The following MLLT11 variants were observed in gnomAD, a reference collection of about 807,000 sequenced individuals.
MLLT11 encodes MLLT11 transcription factor 7 cofactor.
MLLT11 carries 1 observed loss-of-function variant against 5.3 expected under a neutral mutation model. The observed-to-expected ratio is 0.19, with a 90% CI of 0.07 to 0.89. The LOEUF (loss-of-function observed/expected upper bound fraction) is 0.89. MLLT11 is among the 40% of genes least tolerant of loss of function. The pLI, the probability that MLLT11 is intolerant of heterozygous loss-of-function variation, is 0.67. For synonymous variants in MLLT11, 38 were observed against 41.7 expected, an observed-to-expected ratio of 0.91 and a Z score of 0.34; for missense variants, 87 against 107.3, an observed-to-expected ratio of 0.81 and a Z score of 0.83.
At chr1:151,061,609 A>T (rs1226319990) in intron 1 of MLLT11, among the ~76,000 whole-genome samples, 17 of 152,316 alleles carry the variant, frequency 1.1e-4, no homozygotes. Flanking sequence ...AAGATAATGA[A>T]AGATGTAAAG....
chr1:151,069,465 CCCTTCAGAGT>C lies in MLLT11; in HGVS notation c.*1976_*1985del, dbSNP rs1676538541. Among the ~76,000 whole-genome samples, 2 of 152,120 alleles carry C rather than the reference CCCTTCAGAGT, an allele frequency of 1.3e-5. No individual in the cohort carries two copies. Among genetic ancestry groups the C allele is most frequent in the African/African-American group, 2.4e-5 (1 of 41,402 alleles). On this transcript the variant is annotated 3_prime_UTR_variant, in exon 2 of 2. Coordinates refer to ENST00000368921, the MANE Select transcript of MLLT11 (RefSeq NM_006818.4). ...CTATTTTTACTGAGTTTTGAAGGGC[CCCTTCAGAGT>C]CCTTCAGCCATGGCAATTGGTGGGT...
rs1571858956 is a variant in MLLT11, at chr1:151,068,706, T to C, written c.*1209T>C. ...GTCAAGGGATCCTCCCACCTCAGGC[T>C]CCCAGGTAGCTGGGATTACAGGCGC... On this transcript the variant is annotated 3_prime_UTR_variant, in exon 2 of 2. Transcript: ENST00000368921. Among the ~76,000 whole-genome samples, 1 of 152,246 alleles carries C rather than the reference T, an allele frequency of 6.6e-6. No homozygotes were observed. The highest frequency in any genetic ancestry group is 1.9e-4 in the East Asian group (1 of 5,184).
Position 151,067,759 on chromosome 1 carries a change from A to C in MLLT11, c.*262A>C. 2.0e-6 allele frequency: 1 copy of C among 508,074 alleles called. No individual in the cohort carries two copies. The highest frequency in any genetic ancestry group is 3.6e-6 in the Non-Finnish European group (1 of 275,552). The allele number at this position is 508,074 out of a possible 1,614,324, so 31.5% of individuals were successfully genotyped here. A position where few individuals can be genotyped will look rare whatever the true frequency, so the allele number is the denominator to read the frequency against. ...TTCCTCCTTTCCCCCCCAAATATTA[A>C]CTCCAGAAACTAGGCCTGACTGGGG... On this transcript the variant is annotated 3_prime_UTR_variant, in exon 2 of 2. Transcript: ENST00000368921.
In MLLT11 at chr1:151,069,539, A is replaced by G. The variant is rs935428137; in HGVS notation, c.*2042A>G. On this transcript the variant is annotated 3_prime_UTR_variant, in exon 2 of 2. Coordinates refer to ENST00000368921, the MANE Select transcript of MLLT11 (RefSeq NM_006818.4). Reference sequence around the variant, plus strand: ...AACTGTTTGGTAAATAAAGTGACTAAATGGATTTGCAAACTCATGCTCCAT... The same window carrying G: ...AACTGTTTGGTAAATAAAGTGACTAGATGGATTTGCAAACTCATGCTCCAT... Among the ~76,000 whole-genome samples the G allele has an allele frequency of 6.6e-6, 1 of 152,212 alleles. No individual in the cohort carries two copies. The highest frequency in any genetic ancestry group is 2.4e-5 in the African/African-American group (1 of 41,468).
At chr1:151,066,085 C>T (rs1215151820) in intron 1 of MLLT11, among the ~76,000 whole-genome samples, 1 of 152,160 alleles carries the variant, frequency 6.6e-6, no homozygotes, top group Non-Finnish European at 1.5e-5. Context: ...AGTCATCCGC[C>T]TGCCTTAGCC....
At chr1:151,067,173 A>G (rs1489762787) in intron 1 of MLLT11, 46 bp from the exon 2 acceptor site, 2 of 1,568,126 alleles carry the variant, frequency 1.3e-6, no homozygotes, top group African/African-American at 2.7e-5. Flanking sequence ...CATGGGCCAC[A>G]AAGAAGTTGC....
intron 1 of MLLT11, among the ~76,000 whole-genome samples, chr1:151,066,512 G>C (rs1369193789): frequency 6.6e-6 from 1 of 152,170 alleles, no homozygotes; most frequent in Non-Finnish European, 1.5e-5. Context: ...CTGTAACAGA[G>C]GATATACCAC....
chr1:151,066,537 G>T (rs1402866194), intron 1 of MLLT11, among the ~76,000 whole-genome samples: 1 of 152,174 alleles, frequency 6.6e-6, no homozygotes, highest in East Asian at 1.9e-4. Context: ...GGGAAGAATG[G>T]GCTAGATTTT....
chr1:151,061,380 G>C (rs971683795), intron 1 of MLLT11, among the ~76,000 whole-genome samples: 1 of 152,150 alleles, frequency 6.6e-6, no homozygotes, highest in Non-Finnish European at 1.5e-5. Context: ...AAAGGGTCTG[G>C]ACAAAGGATA....
rs891159051 is a variant in MLLT11 at position 151,068,038 on chromosome 1, A to T, written c.*541A>T. 2 of 241,906 alleles carry T rather than the reference A, an allele frequency of 8.3e-6. No homozygotes were observed. Among genetic ancestry groups the T allele is most frequent in the African/African-American group, 4.4e-5 (2 of 45,008 alleles). The allele number at this position is 241,906 out of a possible 1,614,324, so 15.0% of individuals were successfully genotyped here. A position where few individuals can be genotyped will look rare whatever the true frequency, so the allele number is the denominator to read the frequency against. ...TGCTCTTATATTCTTTTTTTTCCTC[A>T]GAGAAATCAGGAGGGTAGTTAGAGG... On this transcript the variant is annotated 3_prime_UTR_variant, in exon 2 of 2. Coordinates refer to ENST00000368921, the MANE Select transcript of MLLT11 (RefSeq NM_006818.4).
intron 1 of MLLT11, 150 bp from the exon 2 acceptor site, chr1:151,067,069 T>A: frequency 1.6e-6 from 1 of 607,614 alleles, no homozygotes; most frequent in Non-Finnish European, 2.7e-6. Flanking sequence ...ACTGGTGGGA[T>A]TGGAGGATAT....
In MLLT11 at chr1:151,068,756, T is replaced by C. The variant is rs1676511688; in HGVS notation, c.*1259T>C. ...CCTGCCACCAGGCCTGGTTAATTTT[T>C]GTATTTTTCATAGAGACGGGGTTTC... On this transcript the variant is annotated 3_prime_UTR_variant, in exon 2 of 2. Transcript: ENST00000368921. Among the ~76,000 whole-genome samples, 1 of 152,160 alleles carries C rather than the reference T, an allele frequency of 6.6e-6. No homozygotes were observed. Among genetic ancestry groups the C allele is most frequent in the Non-Finnish European group, 1.5e-5 (1 of 68,024 alleles).
Position 151,068,004 on chromosome 1 carries a change from T to C in MLLT11, c.*507T>C. 4.1e-6 allele frequency: 1 copy of C among 244,896 alleles called. No homozygotes were observed. Among genetic ancestry groups the C allele is most frequent in the African/African-American group, 2.2e-5 (1 of 45,300 alleles). The allele number at this position is 244,896 out of a possible 1,614,324, so 15.2% of individuals were successfully genotyped here. ...CTAAAGTGATAAGTCTCTTGCTTTTTTTTGATCCTGCTCTTATATTCTTTT... is the reference window on the plus strand; with the variant it reads ...CTAAAGTGATAAGTCTCTTGCTTTTCTTTGATCCTGCTCTTATATTCTTTT... On this transcript the variant is annotated 3_prime_UTR_variant, in exon 2 of 2. Coordinates refer to ENST00000368921, the MANE Select transcript of MLLT11 (RefSeq NM_006818.4).
In MLLT11 at chr1:151,068,964, C is replaced by T. The variant is rs985569737; in HGVS notation, c.*1467C>T. On this transcript the variant is annotated 3_prime_UTR_variant, in exon 2 of 2. Coordinates refer to ENST00000368921, the MANE Select transcript of MLLT11 (RefSeq NM_006818.4). Reference sequence around the variant, plus strand: ...CATTTAGACATTAGATGGTGAACTTCGCATTGAACAGATAATGAAAGGGCA... The same window carrying T: ...CATTTAGACATTAGATGGTGAACTTTGCATTGAACAGATAATGAAAGGGCA... Among the ~76,000 whole-genome samples, 2 of 152,060 alleles carry T rather than the reference C, an allele frequency of 1.3e-5. No homozygotes were observed. Among genetic ancestry groups the T allele is most frequent in the African/African-American group, 2.4e-5 (1 of 41,392 alleles).
chr1:151,069,343 GAC>G lies in MLLT11; in HGVS notation c.*1848_*1849del, dbSNP rs1412335071. On this transcript the variant is annotated 3_prime_UTR_variant, in exon 2 of 2. Coordinates refer to ENST00000368921, the MANE Select transcript of MLLT11 (RefSeq NM_006818.4). The stretch of plus-strand genomic sequence containing the variant: ...GAAGTCCCCAGGTGGGAGAAAAAAA[GAC>G]AAATCCTCCCTCTAGGCCATGAAAA... 6.6e-6 allele frequency among the ~76,000 whole-genome samples: 1 copy of G among 152,096 alleles called. No homozygotes were observed. The highest frequency in any genetic ancestry group is 2.4e-5 in the African/African-American group (1 of 41,412).
chr1:151,063,442 T>G (rs751001644), intron 1 of MLLT11, among the ~76,000 whole-genome samples: 1 of 152,162 alleles, frequency 6.6e-6, no homozygotes, highest in East Asian at 1.9e-4. Flanking sequence ...ATTATTATTA[T>G]TGAGACGGAG....
Position 151,067,336 on chromosome 1 carries a change from T to C in MLLT11, c.112T>C (p.Tyr38His). The change falls in exon 2 of 2, where the codon TAC becomes CAC. Residue 38 changes from tyrosine to histidine, a missense_variant. Physicochemically the swap from Tyr to His is moderately conservative, Grantham distance 83 (BLOSUM62 2). Transcript: ENST00000368921. ...EGLGLSDTAT[Y>H]KVKDSSVGKM... Reference sequence around the variant, plus strand: ...CCTGGGTCTGTCAGATACAGCCACCTACAAGGTCAAAGACAGCAGCGTTGG... The same window carrying C: ...CCTGGGTCTGTCAGATACAGCCACCCACAAGGTCAAAGACAGCAGCGTTGG... 3 of 1,614,086 alleles carry C rather than the reference T, an allele frequency of 1.9e-6. No individual in the cohort carries two copies. Among genetic ancestry groups the C allele is most frequent in the African/African-American group, 1.3e-5 (1 of 74,996 alleles).
Position 151,067,436 on chromosome 1 carries a change from C to G in MLLT11, c.212C>G (p.Thr71Ser). ...GGTGATGGCCTCCTTGAGTACAGCACCTTCAACTTCTGGAGAGCTCCCATT... is the reference window on the plus strand; with the variant it reads ...GGTGATGGCCTCCTTGAGTACAGCAGCTTCAACTTCTGGAGAGCTCCCATT... ...PEGDGLLEYS[T>S]FNFWRAPIAS... The change falls in exon 2 of 2, where the codon ACC (threonine) becomes AGC (serine). Residue 71 changes from threonine (T) to serine (S), a missense_variant. By Grantham distance (58) the Thr-to-Ser change is moderately conservative. Coordinates refer to ENST00000368921, the MANE Select transcript of MLLT11 (RefSeq NM_006818.4). 6.2e-7 allele frequency: 1 copy of G among 1,614,140 alleles called. No individual in the cohort carries two copies. Among genetic ancestry groups the G allele is most frequent in the Non-Finnish European group, 8.5e-7 (1 of 1,180,024 alleles).
chr1:151,063,120 T>G (rs1273869079), intron 1 of MLLT11, among the ~76,000 whole-genome samples: 1 of 152,198 alleles, frequency 6.6e-6, no homozygotes, highest in East Asian at 1.9e-4. Flanking sequence ...GAATTCACTT[T>G]CAACATTAAA....
Sources: allele counts gnomAD v4.1 joint callset (sites outside exome capture counted in the v4.1 genomes callset), GRCh38; gene constraint gnomAD v4.1.1; transcripts MANE v1.5; gene names NCBI Gene and HGNC (gene_info 2026-07-23, HGNC 2026-07-21).